DMD: variants seen among roughly 807,000 people sequenced by gnomAD.
The protein encoded by DMD is mutant dystrophin.
In DMD, 63 loss-of-function variants were observed where a neutral mutation model predicts 330.1. The ratio of observed to expected loss-of-function variants is 0.19; its 90% CI spans 0.16 to 0.24. DMD has a LOEUF of 0.24. DMD is among the 10% of genes least tolerant of loss of function. DMD has a pLI of 1.00. For synonymous variants in DMD, 1,223 were observed against 959.8 expected, an observed-to-expected ratio of 1.27 and a Z score of -5.07; for missense variants, 3,344 against 2,684.1, an observed-to-expected ratio of 1.25 and a Z score of -5.43.
rs1193302041 is a variant in DMD at position 31,522,325 on chromosome X, T to TTCTCTC, written c.8218-14878_8218-14873dup. On this transcript the variant is annotated intron_variant, in intron 55 of 78. Coordinates refer to ENST00000357033, the MANE Select transcript of DMD (RefSeq NM_004006.3). Reference sequence around the variant, plus strand: ...AGAGACAGAGTGGTAAGATCAAAATTTCTCTCTCTCTCTCTCTCTCTCTCT... The same window carrying TTCTCTC: ...AGAGACAGAGTGGTAAGATCAAAATTTCTCTCTCTCTCTCTCTCTCTCTCTCTCTCT... Among the ~76,000 whole-genome samples the TTCTCTC allele has an allele frequency of 2.0e-3, 101 of 51,307 alleles. 4 individuals are homozygous for TTCTCTC. The highest frequency in any genetic ancestry group is 5.5e-3 in the Admixed American group (19 of 3,449). The allele number at this position is 51,307 out of a possible 115,157, so 44.6% of individuals were successfully genotyped here. A position where few individuals can be genotyped will look rare whatever the true frequency, so the allele number is the denominator to read the frequency against.
chrX:33,070,935 T>C (rs2094745776), intron 1 of DMD, among the ~76,000 whole-genome samples: 1 of 109,593 alleles, frequency 9.1e-6, no homozygotes, highest in Non-Finnish European at 1.9e-5. Flanking sequence ...TCAAGTCTTT[T>C]GAAAGCACAG....
intron 30 of DMD, among the ~76,000 whole-genome samples, chrX:32,410,750 C>A (rs1285957753): frequency 8.9e-6 from 1 of 111,912 alleles, no homozygotes; most frequent in Non-Finnish European, 1.9e-5. Context: ...ATGATAACTT[C>A]ACATATGTTT....
intron 74 of DMD, among the ~76,000 whole-genome samples, chrX:31,157,325 G>A (rs1294835207): frequency 9.0e-6 from 1 of 111,725 alleles, no homozygotes; most frequent in Admixed American, 9.5e-5. Flanking sequence ...ACTGTCTATA[G>A]ACTAAATGTA....
At chrX:32,594,158 T>C (rs1465990111) in intron 13 of DMD, among the ~76,000 whole-genome samples, 1 of 112,312 alleles carries the variant, frequency 8.9e-6, no homozygotes, top group Non-Finnish European at 1.9e-5. Context: ...CATGCAGATA[T>C]ATCCTATTGG....
At chrX:32,462,529 TAAGA>T (rs1242511757) in intron 25 of DMD, among the ~76,000 whole-genome samples, 1 of 111,755 alleles carries the variant, frequency 8.9e-6, no homozygotes, top group African/African-American at 3.3e-5. Flanking sequence ...TATTTAAATA[TAAGA>T]GAGATATCTA....
chrX:32,853,049 TA>T (rs1484698973), intron 2 of DMD, among the ~76,000 whole-genome samples: 2 of 112,120 alleles, frequency 1.8e-5, no homozygotes, highest in African/African-American at 6.5e-5. Flanking sequence ...ACTTACAGGC[TA>T]AGACATGTCA....
chrX:31,924,955 T>G (rs2094748598), intron 47 of DMD, among the ~76,000 whole-genome samples: 1 of 112,317 alleles, frequency 8.9e-6, no homozygotes, highest in Non-Finnish European at 1.9e-5. Flanking sequence ...ACAACATATT[T>G]ATTAAAACTA....
chrX:31,821,381 T>A (rs1356693687), intron 49 of DMD, among the ~76,000 whole-genome samples: 1 of 112,460 alleles, frequency 8.9e-6, no homozygotes, highest in East Asian at 2.8e-4. Flanking sequence ...AGATATCTAT[T>A]ACACCTAATC....
intron 60 of DMD, among the ~76,000 whole-genome samples, chrX:31,405,718 C>T (rs964906257): frequency 1.7e-3 from 189 of 111,568 alleles, no homozygotes; most frequent in African/African-American, 5.7e-3. Flanking sequence ...AAATCAATTT[C>T]CACTTATGGA....
chrX:32,804,262 T>C (rs936783953), intron 7 of DMD, among the ~76,000 whole-genome samples: 3 of 111,975 alleles, frequency 2.7e-5, no homozygotes, highest in Non-Finnish European at 5.6e-5. Context: ...CAGTCTGAAG[T>C]GGACCTGAGG....
intron 1 of DMD, among the ~76,000 whole-genome samples, chrX:33,114,055 C>T (rs1885532052): frequency 9.1e-6 from 1 of 109,743 alleles, no homozygotes. Flanking sequence ...TTGTTTTCCT[C>T]TAATATCCTC....
chrX:31,252,696 CACAA>C (rs1345370331), intron 63 of DMD, among the ~76,000 whole-genome samples: 1 of 98,534 alleles, frequency 1.0e-5, no homozygotes, highest in Non-Finnish European at 2.2e-5. Context: ...TAAAGTGCTA[CACAA>C]ATAAAGTACA....
At chrX:33,049,088 T>A (rs1429212273) in intron 1 of DMD, among the ~76,000 whole-genome samples, 1 of 111,938 alleles carries the variant, frequency 8.9e-6, no homozygotes, top group Non-Finnish European at 1.9e-5. Context: ...TGAAGCCTAC[T>A]GTGTCAAGTC....
chrX:31,224,589 T>G (rs1344604258), intron 63 of DMD, among the ~76,000 whole-genome samples: 1 of 112,077 alleles, frequency 8.9e-6, no homozygotes, highest in Non-Finnish European at 1.9e-5. Flanking sequence ...AGGCAGTTTC[T>G]TATGAAATTA....
intron 76 of DMD, 131 bp downstream of exon 76, chrX:31,146,160 C>T: frequency 1.2e-6 from 1 of 812,592 alleles, no homozygotes; most frequent in Non-Finnish European, 1.8e-6. Context: ...CTTTTTTCGC[C>T]TGGTATATGA....
chrX:31,470,382 T>C (rs2067206937), intron 59 of DMD, among the ~76,000 whole-genome samples: 1 of 112,020 alleles, frequency 8.9e-6, no homozygotes, highest in Non-Finnish European at 1.9e-5. Flanking sequence ...TTTGTTGATG[T>C]TGATGCTAGC....
chrX:32,644,598 G>A (rs1250786676), intron 10 of DMD, among the ~76,000 whole-genome samples: 3 of 109,950 alleles, frequency 2.7e-5, no homozygotes, highest in African/African-American at 6.6e-5. Context: ...AGTTGAAGAT[G>A]GAGGAAAAAG....
chrX:32,657,312 A>G (rs961345024), intron 9 of DMD, among the ~76,000 whole-genome samples: 1 of 111,840 alleles, frequency 8.9e-6, no homozygotes, highest in Non-Finnish European at 1.9e-5. Flanking sequence ...GAACAATTTA[A>G]TAACCCAATA....
intron 41 of DMD, among the ~76,000 whole-genome samples, chrX:32,322,471 T>C (rs1208935147): frequency 9.0e-6 from 1 of 110,774 alleles, no homozygotes; most frequent in East Asian, 2.8e-4. Context: ...GCTGAGGCAA[T>C]AGGATCTCCT....
Sources: allele counts gnomAD v4.1 joint callset (sites outside exome capture counted in the v4.1 genomes callset), GRCh38; gene constraint gnomAD v4.1.1; transcripts MANE v1.5; gene names NCBI Gene and HGNC (gene_info 2026-07-23, HGNC 2026-07-21).